The following TENM4 variants were observed in gnomAD, a reference collection of about 807,000 sequenced individuals.
The protein encoded by TENM4 is teneurin transmembrane protein 4, also known as teneurin-4.
In TENM4, 82 loss-of-function variants were observed where a neutral mutation model predicts 243.3. The ratio of observed to expected loss-of-function variants is 0.34; its 90% CI spans 0.28 to 0.40. The LOEUF is 0.40. Among genes scored for constraint, TENM4 ranks in the 10% least tolerant of loss-of-function variants. The probability of loss-of-function intolerance (pLI) is 1.00; values close to 1 mark genes in which losing one functional copy is unlikely to be tolerated. For synonymous variants in TENM4, 1,412 were observed against 1,456.3 expected (o/e 0.97, Z 0.69); for missense variants, 3,138 against 3,673.3 (o/e 0.85, Z 3.77).
At chr11:78,794,312 C>T (rs1214919399) in intron 15 of TENM4, among the ~76,000 whole-genome samples, 1 of 152,170 alleles carries the variant, frequency 6.6e-6, no homozygotes. Flanking sequence ...GGTACTTCAC[C>T]CTCTGGGTAG....
chr11:78,873,160 G>C (rs1393736595), intron 9 of TENM4, among the ~76,000 whole-genome samples: 1 of 152,022 alleles, frequency 6.6e-6, no homozygotes, highest in African/African-American at 2.4e-5. Flanking sequence ...ATATTTTCCT[G>C]CCCCCCTGCC....
chr11:78,768,582 T>G (rs1856587611), intron 18 of TENM4, among the ~76,000 whole-genome samples: 1 of 152,256 alleles, frequency 6.6e-6, no homozygotes, highest in Non-Finnish European at 1.5e-5. Flanking sequence ...CAGGGCCTGA[T>G]AACAATGTAG....
chr11:79,362,877 T>C (rs1857614534), intron 1 of TENM4, among the ~76,000 whole-genome samples: 1 of 152,232 alleles, frequency 6.6e-6, no homozygotes, highest in Admixed American at 6.5e-5. Context: ...TAACCGTTAT[T>C]TTTAGACTGA....
chr11:79,021,777 G>T (rs1420349382), intron 6 of TENM4: 1 of 152,184 alleles, frequency 6.6e-6, no homozygotes, highest in East Asian at 1.9e-4. Flanking sequence ...ACATTCAAAG[G>T]GAAAGTGAGA....
At chr11:78,753,783 T>C (rs142568726) in intron 19 of TENM4, among the ~76,000 whole-genome samples, 1 of 152,052 alleles carries the variant, frequency 6.6e-6, no homozygotes, top group Non-Finnish European at 1.5e-5. Context: ...GTAGAGCAAA[T>C]ACTATATCCC....
intron 9 of TENM4, among the ~76,000 whole-genome samples, chr11:78,884,268 T>C (rs1855498484): frequency 6.6e-6 from 1 of 152,216 alleles, no homozygotes. Flanking sequence ...TCAGAACCTA[T>C]GCTCTCAACC....
chr11:78,778,589 A>G lies in TENM4; in HGVS notation c.2392+13T>C. On this transcript the variant is annotated intron_variant, in intron 17 of 33. Transcript: ENST00000278550. ...ACAAAGACAACAGGAAAATAGAGGA[A>G]GGAAGACCATACCTTTAACTACCCT... The G allele has an allele frequency of 6.2e-7, 1 of 1,611,272 alleles. No individual in the cohort carries two copies. The highest frequency in any genetic ancestry group is 8.5e-7 in the Non-Finnish European group (1 of 1,178,596).
At chr11:79,159,829 C>G (rs1046355214) in intron 3 of TENM4, among the ~76,000 whole-genome samples, 5 of 152,284 alleles carry the variant, frequency 3.3e-5, no homozygotes, top group South Asian at 4.1e-4. Flanking sequence ...TTTACAGATG[C>G]CTTCCACTTC....
Position 79,381,423 on chromosome 11 carries a change from T to C in TENM4, c.-321+59086A>G, listed in dbSNP as rs564784427. 1.4e-4 allele frequency among the ~76,000 whole-genome samples: 22 copies of C among 151,870 alleles called. No homozygotes were observed. In the South Asian group the frequency reaches 4.6e-3, roughly 32 times the overall value. On this transcript the variant is annotated intron_variant, in intron 1 of 33. Coordinates refer to ENST00000278550, the MANE Select transcript of TENM4 (RefSeq NM_001098816.3). ...AAAATGCTCCAAGGCTCCTTGTCTG[T>C]TGTAACCATGGCTTCTGCAGTGGCT...
chr11:79,080,785 C>T (rs773801193), intron 4 of TENM4, among the ~76,000 whole-genome samples: 1 of 152,186 alleles, frequency 6.6e-6, no homozygotes, highest in Non-Finnish European at 1.5e-5. Context: ...CTTCCTTCTC[C>T]CTAGAAAAAC....
At chr11:79,320,293 G>A (rs1456555495) in intron 1 of TENM4, among the ~76,000 whole-genome samples, 1 of 152,212 alleles carries the variant, frequency 6.6e-6, no homozygotes, top group Admixed American at 6.5e-5. Flanking sequence ...AATTACTGAG[G>A]TACAGCTGCA....
intron 33 of TENM4, 35 bp from the exon 34 acceptor site, chr11:78,658,851 C>A (rs1404080663): frequency 1.3e-6 from 2 of 1,576,260 alleles, no homozygotes; most frequent in Admixed American, 1.8e-5. Flanking sequence ...GAGAGTAAGA[C>A]AAAGGGGAAA....
At chr11:78,814,465 G>A in intron 12 of TENM4, 70 bp from the exon 13 acceptor site, 2 of 1,373,472 alleles carry the variant, frequency 1.5e-6, no homozygotes, top group Non-Finnish European at 2.0e-6. Context: ...CAGGAATCAA[G>A]CTTTAGGTTA....
At chr11:79,072,611 A>C (rs1860443631) in intron 4 of TENM4, among the ~76,000 whole-genome samples, 1 of 152,212 alleles carries the variant, frequency 6.6e-6, no homozygotes, top group Non-Finnish European at 1.5e-5. Flanking sequence ...CATGATGAGA[A>C]ATGCACTCTG....
chr11:79,371,500 A>G (rs2135509584), intron 1 of TENM4, among the ~76,000 whole-genome samples: 1 of 152,316 alleles, frequency 6.6e-6, no homozygotes, highest in Admixed American at 6.5e-5. Flanking sequence ...AGTGCTCACC[A>G]TTGGCTTTAG....
intron 6 of TENM4, among the ~76,000 whole-genome samples, chr11:78,966,613 TG>T (rs149725132): frequency 0.033 from 5,036 of 152,108 alleles, 107 homozygotes; most frequent in African/African-American, 0.052. Context: ...TGCAAGGAGC[TG>T]GGGGGCTCAT....
At chr11:78,952,045 G>A (rs1857118008) in intron 6 of TENM4, among the ~76,000 whole-genome samples, 1 of 152,094 alleles carries the variant, frequency 6.6e-6, no homozygotes, top group South Asian at 2.1e-4. Flanking sequence ...ACTAGTGGCT[G>A]CTTCAGGGCA....
chr11:79,266,598 CAG>C (rs972406936), intron 2 of TENM4, among the ~76,000 whole-genome samples: 1 of 152,186 alleles, frequency 6.6e-6, no homozygotes, highest in Non-Finnish European at 1.5e-5. Context: ...GCTCCCTTAA[CAG>C]AGTCTTTACA....
rs1859325110 is a variant in TENM4 at position 79,438,453 on chromosome 11, G to A, written c.-321+2056C>T. Among the ~76,000 whole-genome samples the A allele has an allele frequency of 6.6e-6, 1 of 152,104 alleles. No homozygotes were observed. Among genetic ancestry groups the A allele is most frequent in the Non-Finnish European group, 1.5e-5 (1 of 68,012 alleles). ...GCCCCATCCCGTCCCCATCAGCGCC[G>A]GGCTAGCGCAGGAAACCAGGAATAG... On this transcript the variant is annotated intron_variant, in intron 1 of 33. Transcript: ENST00000278550. The surrounding 1 kb of genome is among the most constrained non-coding windows in gnomAD (Gnocchi z 4.1).
Sources: gnomAD v4.1 joint callset for allele counts (sites outside exome capture counted in the v4.1 genomes callset) on GRCh38, gnomAD v4.1.1 for gene constraint, Gnocchi (gnomAD v3.1) non-coding constraint, MANE v1.5 for transcripts, NCBI Gene and HGNC (gene_info 2026-07-23, HGNC 2026-07-21) for gene names.